The following PLCD1 variants were observed in gnomAD, a reference collection of about 807,000 sequenced individuals.
PLCD1 encodes the protein 1-phosphatidylinositol 4,5-bisphosphate phosphodiesterase delta-1.
In PLCD1, 71 loss-of-function variants were observed where a neutral mutation model predicts 87.4. The ratio of observed to expected loss-of-function variants is 0.81; its 90% CI spans 0.67 to 0.99. The LOEUF (loss-of-function observed/expected upper bound fraction) is 0.99, where lower values mean the gene tolerates loss of function less well. Ranked by LOEUF, PLCD1 falls within the 50% of genes least tolerant of loss-of-function variation. The pLI is 0.00. For synonymous variants in PLCD1, 348 were observed against 399.2 expected, an observed-to-expected ratio of 0.87 and a Z score of 1.53; for missense variants, 867 against 1,001.5, an observed-to-expected ratio of 0.87 and a Z score of 1.81.
intron 1 of PLCD1, 58 bp downstream of exon 1, chr3:38,029,448 C>G (rs1354110425): frequency 6.8e-7 from 1 of 1,475,002 alleles, no homozygotes; most frequent in African/African-American, 1.4e-5. Context: ...GGGCCCGGAA[C>G]AGCTTTCCAG....
chr3:38,027,161 G>A (rs926636594), intron 1 of PLCD1, among the ~76,000 whole-genome samples: 1 of 152,208 alleles, frequency 6.6e-6, no homozygotes, highest in African/African-American at 2.4e-5. Flanking sequence ...GAGGGCTTCA[G>A]AGGCACTAGA....
chr3:38,008,400 G>A (rs1700001989), intron 12 of PLCD1, 33 bp from the exon 13 acceptor site: 2 of 1,614,092 alleles, frequency 1.2e-6, no homozygotes, highest in Non-Finnish European at 8.5e-7. Context: ...GGACAGTTCA[G>A]GAGTGGTAGC....
chr3:38,029,355 A>G, intron 1 of PLCD1, 151 bp downstream of exon 1: 1 of 628,736 alleles, frequency 1.6e-6, no homozygotes, highest in Non-Finnish European at 2.8e-6. Flanking sequence ...GCGGGCTGAG[A>G]TTTTCCCAGT....
At chr3:38,015,160 T>C (rs1700136216) in intron 3 of PLCD1, among the ~76,000 whole-genome samples, 1 of 152,240 alleles carries the variant, frequency 6.6e-6, no homozygotes, top group Admixed American at 6.5e-5. Context: ...ATCAGCATTC[T>C]TCATAAAAGC....
Position 38,011,647 on chromosome 3 carries a change from G to A in PLCD1, c.455C>T (p.Ala152Val), listed in dbSNP as rs745498529. 2 of 1,614,210 alleles carry A rather than the reference G, an allele frequency of 1.2e-6. No individual in the cohort carries two copies. Among genetic ancestry groups the A allele is most frequent in the East Asian group, 4.5e-5 (2 of 44,888 alleles). Residue 152 changes from alanine to valine, a missense_variant, in exon 4 of 15, where the codon GCT becomes GTT. Physicochemically the swap from Ala to Val is moderately conservative, Grantham distance 64. Transcript: ENST00000334661. ...QHWIHSCLRK[A>V]DKNKDNKMSF... Reference sequence around the variant, plus strand: ...CATCTTGTTGTCCTTGTTTTTGTCAGCTTTTCGCAAGCAGGAGTGAATCCA... The same window carrying A: ...CATCTTGTTGTCCTTGTTTTTGTCAACTTTTCGCAAGCAGGAGTGAATCCA...
At position 38,007,835 on chromosome 3, in the gene PLCD1, A is replaced by G. The variant is rs758576267; in HGVS notation, c.2209T>C (p.Ser737Pro). ...KQGYRHVHLM[S>P]KNGDQHPSAT... Reference sequence around the variant, plus strand: ...GATGGATGCTGGTCCCCGTTCTTAGACATGAGGTGGACATGGCGGTATCCT... The same window carrying G: ...GATGGATGCTGGTCCCCGTTCTTAGGCATGAGGTGGACATGGCGGTATCCT... The change falls in exon 15 of 15, where the codon TCT (serine) becomes CCT (proline). Residue 737 changes from serine to proline, a missense_variant. Ser to Pro is a moderately conservative substitution (Grantham distance 74, BLOSUM62 -1). Coordinates refer to ENST00000334661, the MANE Select transcript of PLCD1 (RefSeq NM_006225.4). The G allele has an allele frequency of 2.2e-5, 35 of 1,614,100 alleles. No individual in the cohort carries two copies. Among genetic ancestry groups the G allele is most frequent in the Non-Finnish European group, 3.0e-5 (35 of 1,180,018 alleles).
intron 1 of PLCD1, among the ~76,000 whole-genome samples, chr3:38,026,722 A>G (rs1032767840): frequency 1.3e-5 from 2 of 152,194 alleles, no homozygotes; most frequent in Non-Finnish European, 2.9e-5. Context: ...CAACTTGCTA[A>G]GAGCTCTGGA....
chr3:38,016,706 G>A lies in PLCD1; in HGVS notation c.213C>T (p.Asp71=). Residue 71 remains aspartate (D), a synonymous_variant, in exon 3 of 15, where the codon GAC becomes GAT. Coordinates refer to ENST00000334661, the MANE Select transcript of PLCD1 (RefSeq NM_006225.4). The part of the protein sequence containing the change: ...TPESQLFSIE[D]IQEVRMGHRT... Reference sequence around the variant, plus strand: ...GGTGCCCCATTCGCACCTCCTGAATGTCCTCGATGGAGACTGCGAGAGGGG... The same window carrying A: ...GGTGCCCCATTCGCACCTCCTGAATATCCTCGATGGAGACTGCGAGAGGGG... The A allele has an allele frequency of 6.4e-7, 1 of 1,557,562 alleles. No homozygotes were observed. Among genetic ancestry groups the A allele is most frequent in the East Asian group, 2.4e-5 (1 of 41,766 alleles).
rs201618784 is a variant in PLCD1 at position 38,011,570 on chromosome 3, C to T, written c.532G>A (p.Asp178Asn). The T allele has an allele frequency of 6.4e-5, 104 of 1,614,088 alleles. No individual in the cohort carries two copies. Among genetic ancestry groups the T allele is most frequent in the African/African-American group, 1.6e-4 (12 of 74,956 alleles). The change falls in exon 4 of 15, where the codon GAC (aspartate) becomes AAC (asparagine). Residue 178 changes from aspartate to asparagine, a missense_variant. Transcript: ENST00000334661. ...CTGAAGATCTTCCGGGCATAGCTGT[C>T]GTCCACCTGGATGTTGAGCTCCTTC... Reference protein sequence around the residue: ...FLKELNIQVDDSYARKIFREC... With the variant: ...FLKELNIQVDNSYARKIFREC...
At chr3:38,023,303 C>G (rs1178767643) in intron 1 of PLCD1, among the ~76,000 whole-genome samples, 1 of 152,118 alleles carries the variant, frequency 6.6e-6, no homozygotes, top group African/African-American at 2.4e-5. Flanking sequence ...TGACACACTG[C>G]CCCCCAAAAT....
intron 3 of PLCD1, among the ~76,000 whole-genome samples, chr3:38,015,717 G>A (rs1700145114): frequency 6.6e-6 from 1 of 152,176 alleles, no homozygotes; most frequent in South Asian, 2.1e-4. Flanking sequence ...AAATGTTGAA[G>A]TTAATTTGTT....
At chr3:38,019,528 T>C (rs1208253526) in intron 2 of PLCD1, among the ~76,000 whole-genome samples, 1 of 152,152 alleles carries the variant, frequency 6.6e-6, no homozygotes, top group Non-Finnish European at 1.5e-5. Flanking sequence ...TAGGGAATTC[T>C]CTCCCTTAAA....
In PLCD1 at chr3:38,017,564, C is replaced by G. The variant is rs761155399; in HGVS notation, c.200-845G>C. Among the ~76,000 whole-genome samples the G allele has an allele frequency of 1.4e-4, 21 of 152,150 alleles. No homozygotes were observed. Among genetic ancestry groups the G allele is most frequent in the Non-Finnish European group, 2.8e-4 (19 of 68,004 alleles). On this transcript the variant is annotated intron_variant, in intron 2 of 14. Transcript: ENST00000334661. This position sits in a 1 kb window ranked among gnomAD's most constrained non-coding sequence, Gnocchi z 4.7. ...AGGGAGATGCCAGGCCCTGTCTACCCCCGCTTCCAATGTGCCCTCCATGGC... is the reference window on the plus strand; with the variant it reads ...AGGGAGATGCCAGGCCCTGTCTACCGCCGCTTCCAATGTGCCCTCCATGGC...
At position 38,009,773 on chromosome 3, in the gene PLCD1, G is replaced by A. The variant is rs150254083; in HGVS notation, c.1326C>T (p.Leu442=). 6.4e-5 allele frequency: 104 copies of A among 1,614,014 alleles called. No individual in the cohort carries two copies. In the African/African-American group the frequency reaches 6.8e-4, roughly 11 times the overall value. The change falls in exon 9 of 15, where the codon CTC becomes CTT. Residue 442 remains leucine, a synonymous_variant. Transcript: ENST00000334661. ...KGKILLKGKK[L]GGLLPPGGEG... The stretch of plus-strand genomic sequence containing the variant: ...CCCCTCCAGGGGGCAGGAGCCCCCC[G>A]AGCTTCTTCCCCTTCAGCAGGATCT...
chr3:38,016,880 G>A lies in PLCD1; in HGVS notation c.200-161C>T, dbSNP rs534129776. Reference sequence around the variant, plus strand: ...GTCCAGAAGGAAAGGAGAGGGGCAGGAGGTTGGACAAGTGGGGGACAAAAA... The same window carrying A: ...GTCCAGAAGGAAAGGAGAGGGGCAGAAGGTTGGACAAGTGGGGGACAAAAA... On this transcript the variant is annotated intron_variant, in intron 2 of 14. Coordinates refer to ENST00000334661, the MANE Select transcript of PLCD1 (RefSeq NM_006225.4). 6.1e-4 allele frequency among the ~76,000 whole-genome samples: 93 copies of A among 152,330 alleles called. 2 individuals carry two copies. The highest frequency in any genetic ancestry group is 2.2e-3 in the African/African-American group (90 of 41,570).
At chr3:38,008,799 G>A in intron 11 of PLCD1, 163 bp from the exon 12 acceptor site, 1 of 706,894 alleles carries the variant, frequency 1.4e-6, no homozygotes, top group Non-Finnish European at 2.5e-6. Context: ...GACCCACCAT[G>A]CTAACCACAC....
In PLCD1 at chr3:38,007,854, G is replaced by A. The variant is rs774046548; in HGVS notation, c.2190C>T (p.Tyr730=). The change falls in exon 15 of 15, where the codon TAC becomes TAT. Residue 730 remains tyrosine, a synonymous_variant. Transcript: ENST00000334661. ...TIPLNSLKQG[Y]RHVHLMSKNG... ...TCTTAGACATGAGGTGGACATGGCGGTATCCTGGTGGGTGGACAGGCAGGA... is the reference window on the plus strand; with the variant it reads ...TCTTAGACATGAGGTGGACATGGCGATATCCTGGTGGGTGGACAGGCAGGA... 6.2e-7 allele frequency: 1 copy of A among 1,614,030 alleles called. No individual in the cohort carries two copies.
In PLCD1 at chr3:38,007,808, C is replaced by T; in HGVS notation, c.2236G>A (p.Ala746Thr). The T allele has an allele frequency of 6.2e-7, 1 of 1,614,194 alleles. No individual in the cohort carries two copies. The highest frequency in any genetic ancestry group is 1.1e-5 in the South Asian group (1 of 91,086). ...MSKNGDQHPSATLFVKISLQD is the reference protein window; with the variant it reads ...MSKNGDQHPSTTLFVKISLQD Reference sequence around the variant, plus strand: ...AGGGAGATCTTCACAAAGAGGGTGGCTGATGGATGCTGGTCCCCGTTCTTA... The same window carrying T: ...AGGGAGATCTTCACAAAGAGGGTGGTTGATGGATGCTGGTCCCCGTTCTTA... The change falls in exon 15 of 15, where the codon GCC (alanine) becomes ACC (threonine). Residue 746 changes from alanine to threonine, a missense_variant. Transcript: ENST00000334661.
intron 3 of PLCD1, among the ~76,000 whole-genome samples, chr3:38,014,877 C>T (rs990137737): frequency 6.6e-6 from 1 of 152,180 alleles, no homozygotes; most frequent in Non-Finnish European, 1.5e-5. Flanking sequence ...TGCTCAATAT[C>T]ACTAATCATT....
Sources: gnomAD v4.1 joint callset for allele counts (sites outside exome capture counted in the v4.1 genomes callset) on GRCh38, gnomAD v4.1.1 for gene constraint, Gnocchi (gnomAD v3.1) non-coding constraint, MANE v1.5 for transcripts, NCBI Gene and HGNC (gene_info 2026-07-23, HGNC 2026-07-21) for gene names.